LINC00632: variants seen among roughly 807,000 people sequenced by gnomAD.
LINC00632 encodes ALDOA related specific transcript.
intron 3 of LINC00632, among the ~76,000 whole-genome samples, chrX:140,746,417 G>C (rs1931327483): frequency 9.0e-6 from 1 of 111,684 alleles, no homozygotes; most frequent in African/African-American, 3.3e-5. Flanking sequence ...TTCACTACAT[G>C]GGCTAAAAAG....
exon 5 of LINC00632, among the ~76,000 whole-genome samples, chrX:140,787,492 G>T (rs761611523): frequency 1.1e-3 from 128 of 111,775 alleles, no homozygotes; most frequent in African/African-American, 3.8e-3. Flanking sequence ...AAGGTGTGAA[G>T]AACACAAACT....
chrX:140,771,789 C>G (rs1194513154), intron 3 of LINC00632, among the ~76,000 whole-genome samples: 2 of 105,104 alleles, frequency 1.9e-5, no homozygotes, highest in African/African-American at 6.9e-5. Context: ...AAGTGATTCT[C>G]CTGCCTCAGC....
exon 5 of LINC00632, among the ~76,000 whole-genome samples, chrX:140,776,334 C>T (rs962481843): frequency 2.7e-5 from 3 of 112,811 alleles, no homozygotes; most frequent in South Asian, 3.6e-4. Flanking sequence ...AAGAACCTGG[C>T]GCTAAACCAT....
chrX:140,759,276 TTTTC>T (rs201367351), intron 3 of LINC00632, among the ~76,000 whole-genome samples: 56 of 102,357 alleles, frequency 5.5e-4, no homozygotes, highest in Middle Eastern at 5.1e-3. Context: ...CCCAGGCCTC[TTTTC>T]TTTCTTTCTT....
chrX:140,776,585 C>T (rs1226631000), exon 5 of LINC00632, among the ~76,000 whole-genome samples: 2 of 112,632 alleles, frequency 1.8e-5, no homozygotes, highest in Non-Finnish European at 3.8e-5. Context: ...CTGGCCTGTC[C>T]GCATCCGCCG....
rs1433044615 is a variant in LINC00632 at position 140,748,917 on chromosome X, AATATG to A, written n.191+14958_191+14962del. ...AAAATATATATATTTTATAAACTAA[AATATG>A]ATATATTTATATATTGTGAAGTATT... On this transcript the variant is annotated intron_variant and non_coding_transcript_variant, in intron 3 of 4. Transcript: ENST00000648200. Among the ~76,000 whole-genome samples the A allele has an allele frequency of 2.1e-4, 22 of 106,677 alleles. 1 individual carries two copies. Among genetic ancestry groups the A allele is most frequent in the Admixed American group, 1.4e-3 (13 of 9,615 alleles). 92.6% of individuals were successfully genotyped at this position (106,677 alleles called of 115,157 possible). A position where few individuals can be genotyped will look rare whatever the true frequency, so the allele number is the denominator to read the frequency against.
exon 5 of LINC00632, among the ~76,000 whole-genome samples, chrX:140,775,276 A>G (rs1931857269): frequency 8.9e-6 from 1 of 112,084 alleles, no homozygotes; most frequent in Non-Finnish European, 1.9e-5. Flanking sequence ...ATAATTCCAT[A>G]TATTTACTTC....
chrX:140,754,703 TC>T (rs200964411), intron 3 of LINC00632, among the ~76,000 whole-genome samples: 67 of 109,152 alleles, frequency 6.1e-4, no homozygotes, highest in East Asian at 2.6e-3. Context: ...TTTTTTTTTT[TC>T]TACTGGGGGA....
chrX:140,779,336 TA>T (rs1374352645), exon 5 of LINC00632, among the ~76,000 whole-genome samples: 9 of 112,406 alleles, frequency 8.0e-5, no homozygotes, highest in Non-Finnish European at 3.8e-5. Flanking sequence ...GTATTACATT[TA>T]AAAAGAACTT....
intron 3 of LINC00632, among the ~76,000 whole-genome samples, chrX:140,740,669 G>GAGGGTTTAGA (rs1931211461): frequency 9.1e-6 from 1 of 110,306 alleles, no homozygotes; most frequent in Non-Finnish European, 1.9e-5. Flanking sequence ...CCAACTTCAT[G>GAGGGTTTAGA]AGCAAAAGGG....
intron 2 of LINC00632, among the ~76,000 whole-genome samples, chrX:140,715,227 C>T (rs1930602377): frequency 8.9e-6 from 1 of 111,774 alleles, no homozygotes; most frequent in Non-Finnish European, 1.9e-5. Context: ...ACAAACACAT[C>T]CCACAGCATA....
At chrX:140,784,150 T>C (rs758194827) in exon 5 of LINC00632, 13 of 1,207,550 alleles carry the variant, frequency 1.1e-5, no homozygotes, top group Admixed American at 2.2e-5. Context: ...CTCAAATCCA[T>C]AGCTTCCGAA....
At chrX:140,714,934 C>A (rs1234680391) in intron 2 of LINC00632, 2 of 111,208 alleles carry the variant, frequency 1.8e-5, no homozygotes, top group Non-Finnish European at 3.8e-5. Flanking sequence ...TAGACCTTAC[C>A]CCAGAGTTAC....
At chrX:140,762,207 AAAAGAG>A (rs1416724094) in intron 3 of LINC00632, among the ~76,000 whole-genome samples, 1 of 30,707 alleles carries the variant, frequency 3.3e-5, no homozygotes, top group African/African-American at 1.1e-4. Flanking sequence ...CAGTTTTTCG[AAAAGAG>A]AGAGAGAGAG....
chrX:140,743,832 G>T (rs1420036209), intron 3 of LINC00632, among the ~76,000 whole-genome samples: 1 of 111,399 alleles, frequency 9.0e-6, no homozygotes, highest in Non-Finnish European at 1.9e-5. Flanking sequence ...TCCTCCTCTT[G>T]ACCTTGGAGT....
intron 3 of LINC00632, among the ~76,000 whole-genome samples, chrX:140,771,784 A>T (rs1229698671): frequency 1.9e-5 from 2 of 103,546 alleles, no homozygotes; most frequent in African/African-American, 7.1e-5. Flanking sequence ...GGTTCAAGTG[A>T]TTCTCCTGCC....
chrX:140,776,887 C>T (rs1931878929), exon 5 of LINC00632, among the ~76,000 whole-genome samples: 1 of 111,126 alleles, frequency 9.0e-6, no homozygotes, highest in Non-Finnish European at 1.9e-5. Flanking sequence ...TTGGAACCAA[C>T]CCGAATGCCC....
At chrX:140,771,680 TATATA>T (rs1931799540) in intron 3 of LINC00632, among the ~76,000 whole-genome samples, 2 of 35,880 alleles carry the variant, frequency 5.6e-5, no homozygotes, top group African/African-American at 2.5e-4. Context: ...TATATATATA[TATATA>T]TTTTTTTTTT....
At chrX:140,719,662 A>G (rs985872761) in intron 2 of LINC00632, among the ~76,000 whole-genome samples, 1 of 110,435 alleles carries the variant, frequency 9.1e-6, no homozygotes, top group Admixed American at 9.7e-5. Flanking sequence ...GACTTCCCTC[A>G]CAGCAGCACA....
Sources: gnomAD v4.1 joint callset for allele counts (sites outside exome capture counted in the v4.1 genomes callset) on GRCh38, gnomAD v4.1.1 for gene constraint, MANE v1.5 for transcripts, NCBI Gene and HGNC (gene_info 2026-07-23, HGNC 2026-07-21) for gene names.